Variants in SCAF8 observed in about 807,000 individuals in gnomAD.
SCAF8 encodes SR-related and CTD-associated factor 8.
Under a neutral mutation model 140.5 loss-of-function variants are expected in SCAF8, and 23 were observed. That is an observed-to-expected ratio of 0.16 (90% CI 0.12 to 0.23). The LOEUF (loss-of-function observed/expected upper bound fraction) is 0.23, where lower values mean the gene tolerates loss of function less well. Ranked by LOEUF, SCAF8 falls within the 10% of genes least tolerant of loss-of-function variation. The probability of loss-of-function intolerance (pLI) is 1.00; values close to 1 mark genes in which losing one functional copy is unlikely to be tolerated. For missense variants in SCAF8, 1,397 were observed against 1,555.7 expected (o/e 0.90, Z 1.72); for synonymous variants, 575 against 528.9 (o/e 1.09, Z -1.20).
rs199931142 is a variant in SCAF8 at position 154,753,016 on chromosome 6, T to TG, written c.30+19086_30+19087insG. ...GTACAGTTTTGTTTTTGTTTTGTTT[T>TG]TTTTTTTAATTTACCAGAAGGTATA... On this transcript the variant is annotated intron_variant, in intron 1 of 19. Transcript: ENST00000367178. 7.0e-3 allele frequency among the ~76,000 whole-genome samples: 1,064 copies of TG among 152,224 alleles called. 15 individuals are homozygous for TG. Among genetic ancestry groups the TG allele is most frequent in the African/African-American group, 0.025 (1,019 of 41,530 alleles).
chr6:154,784,131 A>G (rs1453302933), intron 3 of SCAF8, among the ~76,000 whole-genome samples: 5 of 64,074 alleles, frequency 7.8e-5, no homozygotes, highest in African/African-American at 4.9e-4. Flanking sequence ...ATATATATAT[A>G]TATATATATA....
intron 2 of SCAF8, among the ~76,000 whole-genome samples, chr6:154,777,224 G>A (rs919369592): frequency 5.9e-5 from 9 of 151,890 alleles, no homozygotes; most frequent in East Asian, 5.8e-4. Context: ...CACAATTCAG[G>A]TTCTTTAAAC....
chr6:154,810,205 A>G lies in SCAF8; in HGVS notation c.1417A>G (p.Ser473Gly). 6.3e-7 allele frequency: 1 copy of G among 1,596,670 alleles called. No individual in the cohort carries two copies. Among genetic ancestry groups the G allele is most frequent in the Non-Finnish European group, 8.5e-7 (1 of 1,171,410 alleles). Residue 473 changes from serine (S) to glycine (G), a missense_variant, in exon 12 of 20, where the codon AGT becomes GGT. By Grantham distance (56) the Ser-to-Gly change is moderately conservative. Coordinates refer to ENST00000367178, the MANE Select transcript of SCAF8 (RefSeq NM_014892.5). ...ACCTCCAATTAGATCTAAAACACTA[A>G]GTGGTAAGTAACATATATCTGCAAC... is the stretch of plus-strand genomic sequence containing the variant. ...GLPPIRSKTLSVCSTTLWVGQ... is the reference protein window; with the variant it reads ...GLPPIRSKTLGVCSTTLWVGQ...
chr6:154,789,465 TG>T (rs1291216916), intron 4 of SCAF8, among the ~76,000 whole-genome samples: 1 of 152,068 alleles, frequency 6.6e-6, no homozygotes, highest in African/African-American at 2.4e-5. Flanking sequence ...ATATACTCCT[TG>T]AGACAGAAAG....
At chr6:154,783,698 A>G (rs930347527) in intron 3 of SCAF8, among the ~76,000 whole-genome samples, 3 of 152,182 alleles carry the variant, frequency 2.0e-5, no homozygotes, top group Admixed American at 6.6e-5. Flanking sequence ...GTGGATATGT[A>G]TATATTTTTC....
At chr6:154,822,489 C>T (rs577262272) in intron 16 of SCAF8, 80 bp downstream of exon 16, 14 of 1,363,392 alleles carry the variant, frequency 1.0e-5, no homozygotes, top group South Asian at 4.6e-5. Context: ...TTTATAAAAC[C>T]GGAATGAAAA....
chr6:154,756,166 T>C (rs1405765785), intron 1 of SCAF8, among the ~76,000 whole-genome samples: 2 of 152,234 alleles, frequency 1.3e-5, no homozygotes, highest in South Asian at 4.1e-4. Context: ...ATACCACTTT[T>C]GTGTACAGTA....
intron 1 of SCAF8, among the ~76,000 whole-genome samples, chr6:154,759,053 G>A (rs556845560): frequency 1.3e-5 from 2 of 152,084 alleles, no homozygotes; most frequent in East Asian, 1.9e-4. Flanking sequence ...CACCCACCCC[G>A]TCCCCTTAGC....
chr6:154,758,143 C>T (rs1779012258), intron 1 of SCAF8, among the ~76,000 whole-genome samples: 1 of 152,138 alleles, frequency 6.6e-6, no homozygotes, highest in Non-Finnish European at 1.5e-5. Flanking sequence ...TAATCCTGGT[C>T]TCAAGCAGTC....
chr6:154,777,045 C>T (rs1325291084), intron 2 of SCAF8, among the ~76,000 whole-genome samples: 1 of 152,054 alleles, frequency 6.6e-6, no homozygotes, highest in Non-Finnish European at 1.5e-5. Flanking sequence ...GGCGTGGTGG[C>T]TGGCACGCAT....
intron 1 of SCAF8, among the ~76,000 whole-genome samples, chr6:154,771,393 G>A (rs1452956007): frequency 6.6e-6 from 1 of 152,098 alleles, no homozygotes; most frequent in African/African-American, 2.4e-5. Flanking sequence ...CTGTGGCAGG[G>A]ACCTGAAAAA....
chr6:154,809,419 TG>T (rs1269706589), intron 11 of SCAF8, among the ~76,000 whole-genome samples: 1 of 152,190 alleles, frequency 6.6e-6, no homozygotes, highest in East Asian at 1.9e-4. Context: ...AATGAGAGCC[TG>T]TCAGTTCAAC....
intron 15 of SCAF8, 27 bp from the exon 16 acceptor site, chr6:154,822,249 G>A (rs775669159): frequency 2.0e-5 from 31 of 1,586,506 alleles, no homozygotes; most frequent in Non-Finnish European, 2.7e-5. Context: ...CTATCCAAAG[G>A]AAATCAATTT....
In SCAF8 at chr6:154,832,549, C is replaced by T. The variant is rs1221204542; in HGVS notation, c.2970C>T (p.Ser990=). The T allele has an allele frequency of 1.5e-5, 25 of 1,613,882 alleles. No individual in the cohort carries two copies. The highest frequency in any genetic ancestry group is 2.7e-5 in the African/African-American group (2 of 74,848). ...CTTTTTTAGCTCCTGGAAGACAAAG[C>T]GTAGACAATGTTACTAACCCAGAAA... The part of the protein sequence containing the change: ...ERPFLAPGRQ[S]VDNVTNPEKR... Residue 990 remains serine (S), a synonymous_variant, in exon 20 of 20, where the codon AGC becomes AGT. Coordinates refer to ENST00000367178, the MANE Select transcript of SCAF8 (RefSeq NM_014892.5).
chr6:154,812,576 C>T (rs1254885788), intron 12 of SCAF8, among the ~76,000 whole-genome samples: 1 of 152,114 alleles, frequency 6.6e-6, no homozygotes, highest in East Asian at 1.9e-4. Flanking sequence ...AAAGCAGTAT[C>T]AATTTCCTGT....
In SCAF8 at chr6:154,743,389, G is replaced by A. The variant is rs146773356; in HGVS notation, c.30+9459G>A. 2.7e-3 allele frequency among the ~76,000 whole-genome samples: 406 copies of A among 152,184 alleles called. 1 individual carries two copies. Among genetic ancestry groups the A allele is most frequent in the Non-Finnish European group, 4.8e-3 (325 of 68,008 alleles). On this transcript the variant is annotated intron_variant, in intron 1 of 19. Transcript: ENST00000367178. ...GCTTTAAGAATGTTTTCTTTTGTCC[G>A]TGAGAATCATTAGTCTCCACATGCA...
chr6:154,738,721 C>T (rs929591811), intron 1 of SCAF8, among the ~76,000 whole-genome samples: 1 of 152,162 alleles, frequency 6.6e-6, no homozygotes, highest in African/African-American at 2.4e-5. Context: ...AGCATTTCTT[C>T]CTAGTGAAAA....
intron 6 of SCAF8, among the ~76,000 whole-genome samples, chr6:154,798,739 A>G (rs113640523): frequency 2.0e-5 from 3 of 150,988 alleles, no homozygotes; most frequent in African/African-American, 4.8e-5. Context: ...AGTTCATGCA[A>G]CTCCTCTGCT....
intron 1 of SCAF8, among the ~76,000 whole-genome samples, chr6:154,746,032 C>T (rs150601831): frequency 4.6e-4 from 70 of 152,204 alleles, no homozygotes; most frequent in African/African-American, 1.6e-3. Flanking sequence ...GCCACAGGCA[C>T]ACAACACCAT....
Sources: allele counts gnomAD v4.1 joint callset (sites outside exome capture counted in the v4.1 genomes callset), GRCh38; gene constraint gnomAD v4.1.1; transcripts MANE v1.5; gene names NCBI Gene and HGNC (gene_info 2026-07-23, HGNC 2026-07-21).